The following NOL4 variants were observed in gnomAD, a reference collection of about 807,000 sequenced individuals.
NOL4 encodes the protein nucleolar protein 4.
Under a neutral mutation model 75.9 loss-of-function variants are expected in NOL4, and 17 were observed. The ratio of observed to expected loss-of-function variants is 0.22; its 90% CI spans 0.15 to 0.34. The LOEUF (loss-of-function observed/expected upper bound fraction) is 0.34, where lower values mean the gene tolerates loss of function less well. NOL4 is among the 10% of genes least tolerant of loss of function. The pLI, the probability that NOL4 is intolerant of heterozygous loss-of-function variation, is 1.00. For missense variants in NOL4, 614 were observed against 793.5 expected (o/e 0.77, Z 2.72); for synonymous variants, 292 against 289.9 (o/e 1.01, Z -0.07).
In NOL4 at chr18:34,205,411, A is replaced by T. The variant is rs78099568; in HGVS notation, c.264+17579T>A. On this transcript the variant is annotated intron_variant, in intron 1 of 10. Transcript: ENST00000261592. ...GAAACGAAACCCAAATAGTTTTGGA[A>T]AATTATGAAATTCCAAATGTATCAG... is the stretch of plus-strand genomic sequence containing the variant. Among the ~76,000 whole-genome samples the T allele has an allele frequency of 3.3e-5, 5 of 152,218 alleles. No homozygotes were observed. In the East Asian group the frequency reaches 9.7e-4, roughly 29 times the overall value.
At chr18:34,099,586 C>G (rs2078950744) in intron 4 of NOL4, among the ~76,000 whole-genome samples, 1 of 152,062 alleles carries the variant, frequency 6.6e-6, no homozygotes, top group African/African-American at 2.4e-5. Context: ...TACACAACAG[C>G]TCAAATTTCC....
At chr18:34,050,114 T>C (rs991308848) in intron 5 of NOL4, among the ~76,000 whole-genome samples, 1 of 152,170 alleles carries the variant, frequency 6.6e-6, no homozygotes, top group African/African-American at 2.4e-5. Flanking sequence ...CCTTGGAATA[T>C]ATCTCCAGGA....
Position 33,883,445 on chromosome 18 carries a change from C to G in NOL4, c.1543-21G>C, listed in dbSNP as rs774545026. On this transcript the variant is annotated intron_variant, in intron 9 of 10. Coordinates refer to ENST00000261592, the MANE Select transcript of NOL4 (RefSeq NM_003787.5). The stretch of plus-strand genomic sequence containing the variant: ...TCATCCTGCAAGGACAGACAGCATT[C>G]CATTATTTATCACCTCACAGTGCTA... 14 of 1,584,088 alleles carry G rather than the reference C, an allele frequency of 8.8e-6. No homozygotes were observed. The South Asian group carries it at 1.6e-4, about 18-fold the overall frequency.
chr18:34,158,384 T>G (rs1023310802), intron 1 of NOL4, among the ~76,000 whole-genome samples: 12 of 151,964 alleles, frequency 7.9e-5, no homozygotes, highest in African/African-American at 2.9e-4. Flanking sequence ...CTGAGCTGAG[T>G]GTAAGTAGTC....
chr18:34,200,189 A>G (rs2035631354), intron 1 of NOL4, among the ~76,000 whole-genome samples: 1 of 151,800 alleles, frequency 6.6e-6, no homozygotes, highest in African/African-American at 2.4e-5. Flanking sequence ...CTTCATTTTC[A>G]GCCATCGCTT....
chr18:34,129,944 G>A lies in NOL4; in HGVS notation c.341C>T (p.Ser114Leu), dbSNP rs757148536. The A allele has an allele frequency of 7.5e-6, 12 of 1,595,734 alleles. No individual in the cohort carries two copies. The highest frequency in any genetic ancestry group is 1.0e-5 in the Non-Finnish European group (12 of 1,170,586). ...ATTTGGCCCCGTTTCCACATGCATC[G>A]AATAAATAATGTCAAAGAAATCTTC... ...VVEDFFDIIYSMHVETGPNGE... is the reference protein window; with the variant it reads ...VVEDFFDIIYLMHVETGPNGE... The change falls in exon 2 of 11, where the codon TCG becomes TTG. Residue 114 changes from serine (S) to leucine (L), a missense_variant. Ser to Leu is a moderately radical substitution (Grantham distance 145). Around this residue, in one of 9 missense-constraint regions of NOL4, gnomAD observed 135 missense variants for 220.4 expected, o/e 0.61. Coordinates refer to ENST00000261592, the MANE Select transcript of NOL4 (RefSeq NM_003787.5).
chr18:33,951,862 C>G (rs2069250264), intron 8 of NOL4, among the ~76,000 whole-genome samples: 1 of 152,090 alleles, frequency 6.6e-6, no homozygotes, highest in South Asian at 2.1e-4. Context: ...TTGGGCCCAG[C>G]TTTATATACA....
intron 10 of NOL4, among the ~76,000 whole-genome samples, chr18:33,863,240 G>T (rs1029083736): frequency 4.4e-4 from 66 of 151,608 alleles, no homozygotes; most frequent in Non-Finnish European, 4.7e-4. Context: ...ATGGACACAG[G>T]TACGGTAACA....
intron 1 of NOL4, among the ~76,000 whole-genome samples, chr18:34,202,305 G>C (rs1347841874): frequency 6.6e-6 from 1 of 151,824 alleles, no homozygotes; most frequent in African/African-American, 2.4e-5. Context: ...GCATATCCCT[G>C]TTAGTCCATT....
chr18:34,056,797 C>A (rs1168504995), intron 5 of NOL4, among the ~76,000 whole-genome samples: 1 of 152,110 alleles, frequency 6.6e-6, no homozygotes, highest in Non-Finnish European at 1.5e-5. Context: ...AACTGGTCAA[C>A]AGAGTTCTTA....
At chr18:33,889,520 C>A (rs1454438321) in intron 9 of NOL4, among the ~76,000 whole-genome samples, 2 of 152,208 alleles carry the variant, frequency 1.3e-5, no homozygotes, top group Non-Finnish European at 2.9e-5. Flanking sequence ...AGAGGGAAAC[C>A]TCCCTAACTC....
At chr18:33,946,774 A>T (rs549553306) in intron 8 of NOL4, among the ~76,000 whole-genome samples, 1 of 151,920 alleles carries the variant, frequency 6.6e-6, no homozygotes, top group South Asian at 2.1e-4. Flanking sequence ...TTAAAAGCAC[A>T]AAGACAAAAA....
At chr18:34,222,569 C>T (rs1397530955) in intron 1 of NOL4, 2 of 586,640 alleles carry the variant, frequency 3.4e-6, no homozygotes, top group Non-Finnish European at 4.3e-6. Context: ...TCAGACTCGT[C>T]TGCTCTCAGA....
Position 33,937,529 on chromosome 18 carries a change from AG to A in NOL4, c.1542+5535del, listed in dbSNP as rs1301438025. Among the ~76,000 whole-genome samples the A allele has an allele frequency of 9.2e-5, 14 of 152,236 alleles. No homozygotes were observed. The East Asian group carries it at 1.5e-3, about 17-fold the overall frequency. ...CTACAGAAAATTGGGGGCATAATGAAGAATCTCTTAGTCACTGGAAAATTCT... is the reference window on the plus strand; with the variant it reads ...CTACAGAAAATTGGGGGCATAATGAAAATCTCTTAGTCACTGGAAAATTCT... On this transcript the variant is annotated intron_variant, in intron 9 of 10. Transcript: ENST00000261592.
At chr18:34,055,296 A>G (rs528746068) in intron 5 of NOL4, among the ~76,000 whole-genome samples, 1 of 152,202 alleles carries the variant, frequency 6.6e-6, no homozygotes, top group East Asian at 1.9e-4. Context: ...CTTGTACAGT[A>G]GATCTAGTAG....
At chr18:34,067,291 T>G (rs924996996) in intron 5 of NOL4, among the ~76,000 whole-genome samples, 1 of 152,184 alleles carries the variant, frequency 6.6e-6, no homozygotes, top group African/African-American at 2.4e-5. Flanking sequence ...CTGAAGTCAG[T>G]GTATTCCTGG....
intron 8 of NOL4, among the ~76,000 whole-genome samples, chr18:33,955,399 T>TA (rs932959818): frequency 8.5e-5 from 13 of 152,158 alleles, no homozygotes; most frequent in East Asian, 3.9e-4. Flanking sequence ...TTAAATCCTC[T>TA]AAAAAAACAT....
chr18:33,892,012 A>G (rs528569987), intron 9 of NOL4, among the ~76,000 whole-genome samples: 2 of 152,296 alleles, frequency 1.3e-5, no homozygotes, highest in East Asian at 3.9e-4. Flanking sequence ...AAAGTTTAAT[A>G]TAAAGTTAAT....
chr18:34,117,219 A>T (rs941193426), intron 2 of NOL4, among the ~76,000 whole-genome samples: 2 of 152,208 alleles, frequency 1.3e-5, no homozygotes, highest in African/African-American at 2.4e-5. Context: ...CACTATCATG[A>T]TCTCTGTGTA....
Sources: gnomAD v4.1 joint callset for allele counts (sites outside exome capture counted in the v4.1 genomes callset) on GRCh38, gnomAD v4.1.1 for gene constraint, gnomAD v4.1.1 regional missense constraint, MANE v1.5 for transcripts, NCBI Gene and HGNC (gene_info 2026-07-23, HGNC 2026-07-21) for gene names.